CFAP61: variants seen among roughly 807,000 people sequenced by gnomAD.
The protein encoded by CFAP61 is cilia and flagella associated protein 61, also known as cilia- and flagella-associated protein 61.
CFAP61 carries 107 observed loss-of-function variants against 135.6 expected under a neutral mutation model. The observed-to-expected ratio is 0.79, with a 90% confidence interval of 0.67 to 0.93. The LOEUF (loss-of-function observed/expected upper bound fraction) is 0.93, where lower values mean the gene tolerates loss of function less well. Ranked by LOEUF, CFAP61 falls within the 40% of genes least tolerant of loss-of-function variation. The pLI is 0.00. For synonymous variants in CFAP61, 575 were observed against 578.5 expected (o/e 0.99, Z 0.09); for missense variants, 1,507 against 1,556.2 (o/e 0.97, Z 0.53).
At chr20:20,081,804 T>G (rs1489527294) in intron 6 of CFAP61, among the ~76,000 whole-genome samples, 2 of 152,064 alleles carry the variant, frequency 1.3e-5, no homozygotes, top group Non-Finnish European at 2.9e-5. Flanking sequence ...CCATAGAAAA[T>G]CTGAAAGAAG....
chr20:20,147,459 T>A (rs2051989969), intron 9 of CFAP61, among the ~76,000 whole-genome samples: 1 of 152,242 alleles, frequency 6.6e-6, no homozygotes, highest in Non-Finnish European at 1.5e-5. Flanking sequence ...AAGGTGGTAT[T>A]TCATTGTGGT....
chr20:20,103,704 A>G (rs2048182844), intron 8 of CFAP61, among the ~76,000 whole-genome samples: 1 of 152,086 alleles, frequency 6.6e-6, no homozygotes, highest in Admixed American at 6.6e-5. Flanking sequence ...TCAAAACAAT[A>G]TTTTTTCCAG....
chr20:20,098,866 C>A, intron 8 of CFAP61, 52 bp downstream of exon 8: 1 of 1,500,050 alleles, frequency 6.7e-7, no homozygotes, highest in Non-Finnish European at 9.1e-7. Context: ...ATGCTTTATA[C>A]ACATTGCGCT....
At chr20:20,232,496 T>TA (rs1394676257) in intron 18 of CFAP61, among the ~76,000 whole-genome samples, 1 of 152,134 alleles carries the variant, frequency 6.6e-6, no homozygotes, top group Non-Finnish European at 1.5e-5. Flanking sequence ...GCAGCATTGA[T>TA]ATCACCTGTG....
intron 8 of CFAP61, among the ~76,000 whole-genome samples, chr20:20,117,801 T>A (rs1363869341): frequency 6.6e-6 from 1 of 152,198 alleles, no homozygotes; most frequent in Non-Finnish European, 1.5e-5. Flanking sequence ...TATAGGTCTT[T>A]CATTTCTTTG....
At chr20:20,339,744 A>G (rs754698806) in intron 25 of CFAP61, among the ~76,000 whole-genome samples, 2 of 152,060 alleles carry the variant, frequency 1.3e-5, no homozygotes, top group Non-Finnish European at 2.9e-5. Flanking sequence ...TGGCCTCCCA[A>G]AGTGCTGGGA....
chr20:20,275,696 C>A (rs909827852), intron 21 of CFAP61, among the ~76,000 whole-genome samples: 6 of 152,210 alleles, frequency 3.9e-5, no homozygotes, highest in African/African-American at 1.4e-4. Flanking sequence ...ATTCGTTCAA[C>A]TGAAAATGAA....
rs1446267466 is a variant in CFAP61, at chr20:20,297,544, G to A, written c.3217-637G>A. 2.6e-5 allele frequency among the ~76,000 whole-genome samples: 4 copies of A among 152,296 alleles called. No homozygotes were observed. The East Asian group carries it at 7.7e-4, about 29-fold the overall frequency. ...AGCATCTACCCTTGTCACTTGGGCTGATGTGGCAATTGGAGGTGGTTTCTA... is the reference window on the plus strand; with the variant it reads ...AGCATCTACCCTTGTCACTTGGGCTAATGTGGCAATTGGAGGTGGTTTCTA... On this transcript the variant is annotated intron_variant, in intron 24 of 26. Transcript: ENST00000245957.
chr20:20,122,110 T>C (rs2049692842), intron 8 of CFAP61, among the ~76,000 whole-genome samples: 1 of 151,016 alleles, frequency 6.6e-6, no homozygotes, highest in African/African-American at 2.4e-5. Context: ...CCTCCCAGCT[T>C]TCCCCCCAAG....
At chr20:20,190,212 T>G (rs944344766) in intron 14 of CFAP61, among the ~76,000 whole-genome samples, 2 of 152,248 alleles carry the variant, frequency 1.3e-5, no homozygotes, top group Non-Finnish European at 2.9e-5. Context: ...AGCAAAGATA[T>G]CCTTCAACAG....
chr20:20,133,581 A>G (rs1232726854), intron 8 of CFAP61, among the ~76,000 whole-genome samples: 1 of 152,234 alleles, frequency 6.6e-6, no homozygotes, highest in Non-Finnish European at 1.5e-5. Flanking sequence ...GGGAATATGA[A>G]GAATCAGAGT....
chr20:20,113,257 C>T (rs1287621111), intron 8 of CFAP61, among the ~76,000 whole-genome samples: 1 of 152,128 alleles, frequency 6.6e-6, no homozygotes, highest in Non-Finnish European at 1.5e-5. Context: ...TAAAATTTCC[C>T]AGTTCACTGT....
chr20:20,169,268 T>C, intron 12 of CFAP61, 53 bp from the exon 13 acceptor site: 2 of 1,542,214 alleles, frequency 1.3e-6, no homozygotes, highest in Non-Finnish European at 1.8e-6. Flanking sequence ...GAATTTGTTT[T>C]TTGATTAATT....
intron 25 of CFAP61, among the ~76,000 whole-genome samples, chr20:20,301,434 C>T (rs1344832687): frequency 6.6e-6 from 1 of 152,070 alleles, no homozygotes; most frequent in African/African-American, 2.4e-5. Context: ...TTTCTCAGGA[C>T]CTATTCCCAT....
At chr20:20,096,181 A>C (rs894494474) in intron 7 of CFAP61, among the ~76,000 whole-genome samples, 8 of 152,192 alleles carry the variant, frequency 5.3e-5, no homozygotes, top group Non-Finnish European at 1.2e-4. Context: ...CATACACAAG[A>C]ATACATTTGG....
intron 16 of CFAP61, among the ~76,000 whole-genome samples, chr20:20,199,554 A>C (rs1207271440): frequency 6.6e-6 from 1 of 152,192 alleles, no homozygotes; most frequent in Non-Finnish European, 1.5e-5. Context: ...AGAGATAGTA[A>C]TGTAATTACT....
chr20:20,123,971 G>GTTTTTTTTTT (rs35528584), intron 8 of CFAP61, among the ~76,000 whole-genome samples: 2 of 65,268 alleles, frequency 3.1e-5, no homozygotes, highest in Non-Finnish European at 2.9e-5. Context: ...ATATTCCTAA[G>GTTTTTTTTTT]TTTTTTTTTT....
intron 9 of CFAP61, among the ~76,000 whole-genome samples, chr20:20,148,449 C>T (rs1035317605): frequency 6.6e-6 from 1 of 152,078 alleles, no homozygotes; most frequent in Non-Finnish European, 1.5e-5. Context: ...TTGTAATTTT[C>T]CTTGTAGATC....
At position 20,288,793 on chromosome 20, in the gene CFAP61, A is replaced by C; in HGVS notation, c.2981A>C (p.His994Pro). 1 of 1,614,234 alleles carries C rather than the reference A, an allele frequency of 6.2e-7. No homozygotes were observed. The highest frequency in any genetic ancestry group is 2.2e-5 in the East Asian group (1 of 44,890). Reference sequence around the variant, plus strand: ...AGATACTACTCAAATGAGTGGACTCACAGCAACTTCAGTTCCAAAGAAATT... The same window carrying C: ...AGATACTACTCAAATGAGTGGACTCCCAGCAACTTCAGTTCCAAAGAAATT... ...SNRYYSNEWT[H>P]SNFSSKEIGF... Residue 994 changes from histidine to proline, a missense_variant, in exon 23 of 27, where the codon CAC becomes CCC. Coordinates refer to ENST00000245957, the MANE Select transcript of CFAP61 (RefSeq NM_015585.4).
Sources: gnomAD v4.1 joint callset for allele counts (sites outside exome capture counted in the v4.1 genomes callset) on GRCh38, gnomAD v4.1.1 for gene constraint, MANE v1.5 for transcripts, NCBI Gene and HGNC (gene_info 2026-07-23, HGNC 2026-07-21) for gene names.